The following GPATCH2 variants were observed in gnomAD, a reference collection of about 807,000 sequenced individuals.
GPATCH2 encodes the protein G patch domain-containing protein 2.
Under a neutral mutation model 58.0 loss-of-function variants are expected in GPATCH2, and 51 were observed. That is an observed-to-expected ratio of 0.88 (90% CI 0.70 to 1.11). GPATCH2 has a LOEUF of 1.11. Ranked by LOEUF, GPATCH2 falls within the 50% of genes most tolerant of loss-of-function variation. The pLI is 0.00. For missense variants in GPATCH2, 625 were observed against 652.2 expected (o/e 0.96, Z 0.45); for synonymous variants, 222 against 218.5 (o/e 1.02, Z -0.14).
At chr1:217,511,273 C>T (rs780322865) in intron 6 of GPATCH2, among the ~76,000 whole-genome samples, 9 of 152,070 alleles carry the variant, frequency 5.9e-5, no homozygotes, top group Admixed American at 1.3e-4. Context: ...ATACTGTGCA[C>T]CAAAGATTAG....
chr1:217,521,365 A>AAAAAAAAAG (rs1663449471), intron 5 of GPATCH2, among the ~76,000 whole-genome samples: 3 of 151,736 alleles, frequency 2.0e-5, no homozygotes, highest in Non-Finnish European at 4.4e-5. Context: ...CTGCAAAAAA[A>AAAAAAAAAG]AAAAAAAAAG....
intron 5 of GPATCH2, among the ~76,000 whole-genome samples, chr1:217,575,412 C>A (rs1368975256): frequency 6.6e-6 from 1 of 152,034 alleles, no homozygotes; most frequent in African/African-American, 2.4e-5. Context: ...AATTTTGTTT[C>A]AAATGGCATT....
intron 9 of GPATCH2, among the ~76,000 whole-genome samples, chr1:217,443,935 T>C (rs970949950): frequency 6.6e-6 from 1 of 152,244 alleles, no homozygotes; most frequent in Non-Finnish European, 1.5e-5. Context: ...TATGTTTTTA[T>C]AACTAACTTT....
intron 5 of GPATCH2, among the ~76,000 whole-genome samples, chr1:217,559,873 GGAGA>G (rs59474147): frequency 1.7e-3 from 237 of 143,064 alleles, no homozygotes; most frequent in Non-Finnish European, 2.5e-3. Context: ...AAATCCAGAG[GGAGA>G]GAGAGAGAGA....
intron 8 of GPATCH2, among the ~76,000 whole-genome samples, chr1:217,482,658 GT>G (rs1353687185): frequency 6.6e-6 from 1 of 152,010 alleles, no homozygotes; most frequent in Non-Finnish European, 1.5e-5. Flanking sequence ...AAAGACTTCA[GT>G]TTTTACTTGG....
At position 217,440,657 on chromosome 1, in the gene GPATCH2, G is replaced by C. The variant is rs375129595; in HGVS notation, c.1366+8592C>G. 5.3e-5 allele frequency among the ~76,000 whole-genome samples: 8 copies of C among 152,292 alleles called. No homozygotes were observed. The East Asian group carries it at 7.7e-4, about 15-fold the overall frequency. On this transcript the variant is annotated intron_variant, in intron 9 of 9. Transcript: ENST00000366935. ...CTCCTTAAGCTGATAAGAAACTTCA[G>C]CAAAGTCTCAGGATACAAAATCAAT...
intron 9 of GPATCH2, among the ~76,000 whole-genome samples, chr1:217,433,135 C>T (rs1365244602): frequency 2.6e-5 from 4 of 152,000 alleles, no homozygotes; most frequent in African/African-American, 4.8e-5. Flanking sequence ...ATTATTACGG[C>T]ACCTTCTCCC....
intron 5 of GPATCH2, among the ~76,000 whole-genome samples, chr1:217,581,676 G>A (rs888010703): frequency 5.3e-5 from 8 of 152,238 alleles, no homozygotes; most frequent in Non-Finnish European, 8.8e-5. Context: ...GTTTAGGCCA[G>A]GTGCGGTGGC....
At chr1:217,500,085 G>A (rs536104414) in intron 6 of GPATCH2, among the ~76,000 whole-genome samples, 12 of 151,956 alleles carry the variant, frequency 7.9e-5, no homozygotes, top group Admixed American at 5.2e-4. Context: ...ATGACTACAT[G>A]AATACTTTCT....
chr1:217,506,080 A>C (rs1471850568), intron 6 of GPATCH2, among the ~76,000 whole-genome samples: 1 of 152,148 alleles, frequency 6.6e-6, no homozygotes, highest in Non-Finnish European at 1.5e-5. Flanking sequence ...TTCGGCTTAA[A>C]TTTAAATTCA....
intron 5 of GPATCH2, among the ~76,000 whole-genome samples, chr1:217,593,943 A>G (rs1368935746): frequency 6.6e-6 from 1 of 152,110 alleles, no homozygotes; most frequent in African/African-American, 2.4e-5. Context: ...ATTTAATTAG[A>G]ATCTTTTAAT....
chr1:217,438,774 C>A (rs950217776), intron 9 of GPATCH2, among the ~76,000 whole-genome samples: 7 of 152,018 alleles, frequency 4.6e-5, no homozygotes, highest in Non-Finnish European at 8.8e-5. Context: ...GAGAATGGAA[C>A]CAAGTTGGAA....
chr1:217,484,589 A>G (rs887961060), intron 8 of GPATCH2, among the ~76,000 whole-genome samples: 5 of 148,266 alleles, frequency 3.4e-5, no homozygotes, highest in African/African-American at 1.2e-4. Flanking sequence ...ATGCACATAT[A>G]CACGTGTGCA....
At chr1:217,455,729 G>A (rs1187158739) in intron 8 of GPATCH2, among the ~76,000 whole-genome samples, 1 of 152,028 alleles carries the variant, frequency 6.6e-6, no homozygotes, top group Admixed American at 6.6e-5. Context: ...CCACCCTCAA[G>A]CCTGGAAACC....
intron 5 of GPATCH2, among the ~76,000 whole-genome samples, chr1:217,597,529 T>G (rs1330742575): frequency 6.6e-6 from 1 of 152,076 alleles, no homozygotes; most frequent in African/African-American, 2.4e-5. Flanking sequence ...AACAGGCAAT[T>G]CATGGATAGT....
At chr1:217,598,944 C>T (rs905002236) in intron 5 of GPATCH2, among the ~76,000 whole-genome samples, 4 of 152,028 alleles carry the variant, frequency 2.6e-5, no homozygotes, top group Admixed American at 1.3e-4. Context: ...GATATAATGC[C>T]ATTTCAGATA....
intron 5 of GPATCH2, among the ~76,000 whole-genome samples, chr1:217,552,962 AT>A (rs2102673567): frequency 6.6e-6 from 1 of 152,276 alleles, no homozygotes; most frequent in South Asian, 2.1e-4. Context: ...GTGAATTTGA[AT>A]TATATAATTA....
At chr1:217,615,606 C>A (rs1460875151) in intron 2 of GPATCH2, among the ~76,000 whole-genome samples, 1 of 152,076 alleles carries the variant, frequency 6.6e-6, no homozygotes, top group Non-Finnish European at 1.5e-5. Flanking sequence ...CTCATATACA[C>A]CTCAGGTCAC....
At chr1:217,593,458 A>T (rs1329430493) in intron 5 of GPATCH2, among the ~76,000 whole-genome samples, 1 of 152,020 alleles carries the variant, frequency 6.6e-6, no homozygotes, top group Non-Finnish European at 1.5e-5. Flanking sequence ...GATTTAGATT[A>T]AATGTATTAA....
Sources: gnomAD v4.1 joint callset for allele counts (sites outside exome capture counted in the v4.1 genomes callset) on GRCh38, gnomAD v4.1.1 for gene constraint, MANE v1.5 for transcripts, NCBI Gene and HGNC (gene_info 2026-07-23, HGNC 2026-07-21) for gene names.